DPYSL3: variants seen among roughly 807,000 people sequenced by gnomAD.
DPYSL3 encodes dihydropyrimidinase-related protein 3.
Under a neutral mutation model 66.1 loss-of-function variants are expected in DPYSL3, and 16 were observed. The ratio of observed to expected loss-of-function variants is 0.24; its 90% CI spans 0.16 to 0.37. The LOEUF (loss-of-function observed/expected upper bound fraction) is 0.37. Ranked by LOEUF, DPYSL3 falls within the 10% of genes least tolerant of loss-of-function variation. The pLI is 1.00. For missense variants in DPYSL3, 738 were observed against 916.2 expected (o/e 0.81, Z 2.51); for synonymous variants, 338 against 345.1 (o/e 0.98, Z 0.23).
intron 1 of DPYSL3, among the ~76,000 whole-genome samples, chr5:147,468,773 G>A (rs751683382): frequency 2.6e-5 from 4 of 152,010 alleles, no homozygotes; most frequent in Non-Finnish European, 5.9e-5. Context: ...TGTGCACAAT[G>A]TGCAGGTTTG....
chr5:147,450,401 C>T (rs1052891776), intron 1 of DPYSL3, among the ~76,000 whole-genome samples: 11 of 152,168 alleles, frequency 7.2e-5, no homozygotes, highest in African/African-American at 2.2e-4. Flanking sequence ...CCAGGCCCAT[C>T]GCGAGACAGT....
chr5:147,417,950 GA>G (rs1752003804), intron 3 of DPYSL3, among the ~76,000 whole-genome samples: 1 of 152,034 alleles, frequency 6.6e-6, no homozygotes, highest in Non-Finnish European at 1.5e-5. Context: ...CAGCGATTTT[GA>G]AAACCTCCAC....
chr5:147,458,920 C>T (rs2078897652), intron 1 of DPYSL3, among the ~76,000 whole-genome samples: 2 of 151,710 alleles, frequency 1.3e-5, no homozygotes. Flanking sequence ...AGATTATTCT[C>T]ATAAAGCTCT....
At position 147,493,239 on chromosome 5, in the gene DPYSL3, T is replaced by C. The variant is rs542321978; in HGVS notation, c.381+16239A>G. ...CTTCAAGGGGAAAGAGATGAATCCA[T>C]TATGATAGTTGGAAATTTTAACGCT... On this transcript the variant is annotated intron_variant, in intron 1 of 13. Transcript: ENST00000343218. Among the ~76,000 whole-genome samples, 7 of 152,250 alleles carry C rather than the reference T, an allele frequency of 4.6e-5. No homozygotes were observed. The South Asian group carries it at 1.5e-3, about 32-fold the overall frequency.
At chr5:147,471,490 G>T (rs1485204507) in intron 1 of DPYSL3, among the ~76,000 whole-genome samples, 1 of 152,082 alleles carries the variant, frequency 6.6e-6, no homozygotes, top group African/African-American at 2.4e-5. Context: ...AGAATAAAAT[G>T]ATTTTCTCTT....
chr5:147,395,944 G>A (rs1757957701), intron 12 of DPYSL3, among the ~76,000 whole-genome samples: 1 of 152,148 alleles, frequency 6.6e-6, no homozygotes, highest in African/African-American at 2.4e-5. Context: ...AAATAGATGA[G>A]CTTCGATCAG....
rs1392683254 is a variant in DPYSL3 at position 147,509,459 on chromosome 5, T to A, written c.381+19A>T. 2.0e-6 allele frequency: 3 copies of A among 1,486,270 alleles called. No homozygotes were observed. The highest frequency in any genetic ancestry group is 2.7e-6 in the Non-Finnish European group (3 of 1,122,464). The allele number at this position is 1,486,270 out of a possible 1,614,324, so 92.1% of individuals were successfully genotyped here. ...AAAGGAACGAAGGCAAGGAGGGAAG[T>A]GACCCGGGGCCCCCTTACCTTGTCC... On this transcript the variant is annotated intron_variant, in intron 1 of 13. Transcript: ENST00000343218. This position sits in a 1 kb window ranked among gnomAD's most constrained non-coding sequence, Gnocchi z 5.3.
intron 8 of DPYSL3, among the ~76,000 whole-genome samples, chr5:147,404,262 C>T (rs745720783): frequency 4.6e-5 from 7 of 152,168 alleles, no homozygotes; most frequent in African/African-American, 1.2e-4. Context: ...AGCAGGCCTA[C>T]GAAGAACAGA....
rs750552836 is a variant in DPYSL3 at position 147,415,768 on chromosome 5, T to G, written c.761A>C (p.Asp254Ala). ...GACGCTGTCATTCCAGTGGGTGATGTCCACATGCAGGGCATAGTCACAGCA... is the reference window on the plus strand; with the variant it reads ...GACGCTGTCATTCCAGTGGGTGATGGCCACATGCAGGGCATAGTCACAGCA... ...KSCCDYALHVDITHWNDSVKQ... is the reference protein window; with the variant it reads ...KSCCDYALHVAITHWNDSVKQ... The change falls in exon 4 of 14, where the codon GAC becomes GCC. Residue 254 changes from aspartate to alanine, a missense_variant. Physicochemically the swap from Asp to Ala is moderately radical, Grantham distance 126. Coordinates refer to ENST00000343218, the MANE Select transcript of DPYSL3 (RefSeq NM_001197294.2). 3 of 1,614,018 alleles carry G rather than the reference T, an allele frequency of 1.9e-6. No individual in the cohort carries two copies. The highest frequency in any genetic ancestry group is 2.5e-6 in the Non-Finnish European group (3 of 1,179,968).
chr5:147,499,805 A>G (rs1318666418), intron 1 of DPYSL3, among the ~76,000 whole-genome samples: 6 of 152,248 alleles, frequency 3.9e-5, no homozygotes, highest in Admixed American at 3.9e-4. Flanking sequence ...AAAACTTACA[A>G]GAAAGCCACA....
Position 147,509,188 on chromosome 5 carries a change from C to T in DPYSL3, c.381+290G>A, listed in dbSNP as rs186219907. On this transcript the variant is annotated intron_variant, in intron 1 of 13. Transcript: ENST00000343218. This position sits in a 1 kb window ranked among gnomAD's most constrained non-coding sequence, Gnocchi z 5.3. The stretch of plus-strand genomic sequence containing the variant: ...CCCGGGCTGACACACCCACCCAGAC[C>T]GGATGGCCCAGGAGTGCGGCGAGGA... Among the ~76,000 whole-genome samples the T allele has an allele frequency of 1.3e-5, 2 of 152,148 alleles. No homozygotes were observed. Among genetic ancestry groups the T allele is most frequent in the African/African-American group, 2.4e-5 (1 of 41,444 alleles).
chr5:147,454,446 C>T (rs1032193047), intron 1 of DPYSL3, among the ~76,000 whole-genome samples: 2 of 152,222 alleles, frequency 1.3e-5, no homozygotes, highest in Non-Finnish European at 1.5e-5. Context: ...CTCTCAGAGG[C>T]TGCAAGGGGC....
chr5:147,509,593 C>A lies in DPYSL3; in HGVS notation c.266G>T (p.Gly89Val). The stretch of plus-strand genomic sequence containing the variant: ...CTCCCTGCTCTCTTCCCGGCCTTGG[C>A]CCCTGCGCGGGGTGTCCCCCTCGAT... ...PGIEGDTPRRGQGREESREPA... is the reference protein window; with the variant it reads ...PGIEGDTPRRVQGREESREPA... The change falls in exon 1 of 14, where the codon GGC becomes GTC. Residue 89 changes from glycine to valine, a missense_variant. Transcript: ENST00000343218. This position sits in a 1 kb window ranked among gnomAD's most constrained non-coding sequence, Gnocchi z 5.3. 1.3e-6 allele frequency: 2 copies of A among 1,535,470 alleles called. No homozygotes were observed. The highest frequency in any genetic ancestry group is 1.7e-6 in the Non-Finnish European group (2 of 1,146,642).
chr5:147,447,270 C>G (rs1024968944), intron 1 of DPYSL3, among the ~76,000 whole-genome samples: 2 of 152,166 alleles, frequency 1.3e-5, no homozygotes, highest in African/African-American at 4.8e-5. Flanking sequence ...TTATACTGGG[C>G]TTCATGTAGG....
In DPYSL3 at chr5:147,509,244, G is replaced by A. The variant is rs1171110794; in HGVS notation, c.381+234C>T. On this transcript the variant is annotated intron_variant, in intron 1 of 13. Coordinates refer to ENST00000343218, the MANE Select transcript of DPYSL3 (RefSeq NM_001197294.2). This position sits in a 1 kb window ranked among gnomAD's most constrained non-coding sequence, Gnocchi z 5.3. ...GGGCAAAGGACGCGGCTCCAGGCAG[G>A]GGAACCCGGGCATCCCTTCCGCGCT... Among the ~76,000 whole-genome samples, 1 of 152,182 alleles carries A rather than the reference G, an allele frequency of 6.6e-6. No homozygotes were observed.
intron 1 of DPYSL3, among the ~76,000 whole-genome samples, chr5:147,470,819 G>C (rs964148094): frequency 1.3e-5 from 2 of 152,066 alleles, no homozygotes; most frequent in African/African-American, 4.8e-5. Context: ...TTAACACTCA[G>C]CTCAGGCATT....
chr5:147,453,259 C>G (rs1752772084), intron 1 of DPYSL3, among the ~76,000 whole-genome samples: 2 of 152,228 alleles, frequency 1.3e-5, no homozygotes, highest in South Asian at 4.1e-4. Context: ...AGCCGCGAGC[C>G]CCGCGCTCCT....
At position 147,418,474 on chromosome 5, in the gene DPYSL3, C is replaced by T. The variant is rs778829032; in HGVS notation, c.628G>A (p.Ala210Thr). ...ATCATGGTGGTGCCACCTGCTAAGG[C>T]CGCCTTTGTCCCTTGGAAGAAGTCA... The part of the protein sequence containing the change: ...VDDFFQGTKA[A>T]LAGGTTMIID... Residue 210 changes from alanine (A) to threonine (T), a missense_variant, in exon 3 of 14, where the codon GCC becomes ACC. Transcript: ENST00000343218. The T allele has an allele frequency of 1.6e-5, 25 of 1,610,808 alleles. No homozygotes were observed. Among genetic ancestry groups the T allele is most frequent in the Non-Finnish European group, 2.0e-5 (24 of 1,178,370 alleles).
chr5:147,447,975 C>T (rs953053017), intron 1 of DPYSL3, among the ~76,000 whole-genome samples: 1 of 152,168 alleles, frequency 6.6e-6, no homozygotes, highest in Non-Finnish European at 1.5e-5. Context: ...GAGACTCATT[C>T]CTACTACTGT....
Sources: gnomAD v4.1 joint callset for allele counts (sites outside exome capture counted in the v4.1 genomes callset) on GRCh38, gnomAD v4.1.1 for gene constraint, Gnocchi (gnomAD v3.1) non-coding constraint, MANE v1.5 for transcripts, NCBI Gene and HGNC (gene_info 2026-07-23, HGNC 2026-07-21) for gene names.